The following HDAC4 variants were observed in gnomAD, a reference collection of about 807,000 sequenced individuals.
HDAC4 encodes the protein histone deacetylase 4.
HDAC4 carries 16 observed loss-of-function variants against 135.1 expected under a neutral mutation model. That is an observed-to-expected ratio of 0.12 (90% CI 0.08 to 0.18). The LOEUF (loss-of-function observed/expected upper bound fraction) is 0.18, where lower values mean the gene tolerates loss of function less well. Among genes scored for constraint, HDAC4 ranks in the 10% least tolerant of loss-of-function variants. The pLI is 1.00. For synonymous variants in HDAC4, 685 were observed against 653.4 expected (o/e 1.05, Z -0.74); for missense variants, 1,143 against 1,511.8 (o/e 0.76, Z 4.05).
At chr2:239,365,770 C>CA (rs373956366) in intron 1 of HDAC4, among the ~76,000 whole-genome samples, 19 of 150,806 alleles carry the variant, frequency 1.3e-4, no homozygotes, top group African/African-American at 4.4e-4. Context: ...GGGACACACA[C>CA]AGACACGCAT....
At chr2:239,253,087 T>C (rs2048872025) in intron 2 of HDAC4, among the ~76,000 whole-genome samples, 1 of 152,264 alleles carries the variant, frequency 6.6e-6, no homozygotes, top group African/African-American at 2.4e-5. Context: ...ATTAAGCTCA[T>C]GACATATTTT....
At chr2:239,276,330 C>G (rs1246452395) in intron 2 of HDAC4, among the ~76,000 whole-genome samples, 1 of 152,190 alleles carries the variant, frequency 6.6e-6, no homozygotes, top group Non-Finnish European at 1.5e-5. Flanking sequence ...AACAGAGAGG[C>G]CTGTCTAACT....
chr2:239,106,682 G>A (rs1046574322), intron 15 of HDAC4, among the ~76,000 whole-genome samples: 21 of 149,306 alleles, frequency 1.4e-4, no homozygotes, highest in African/African-American at 4.8e-4. Flanking sequence ...ACTGGTAAAG[G>A]AAACGGGGGG....
intron 2 of HDAC4, among the ~76,000 whole-genome samples, chr2:239,263,681 C>A (rs1352624817): frequency 1.3e-5 from 2 of 152,204 alleles, no homozygotes; most frequent in Non-Finnish European, 2.9e-5. Context: ...TCAGGACAGT[C>A]AGGAAAGGCC....
At chr2:239,105,517 G>C (rs543453594) in intron 15 of HDAC4, among the ~76,000 whole-genome samples, 106 of 152,320 alleles carry the variant, frequency 7.0e-4, no homozygotes, top group African/African-American at 2.2e-3. Flanking sequence ...GTCTTGCTGG[G>C]CCGGCCTGCC....
chr2:239,393,968 C>T (rs1189778170), intron 1 of HDAC4, among the ~76,000 whole-genome samples: 1 of 149,766 alleles, frequency 6.7e-6, no homozygotes, highest in Non-Finnish European at 1.5e-5. Flanking sequence ...CAAGGACCAC[C>T]CCCCCTCCAC....
chr2:239,347,499 A>AC (rs1442645742), intron 2 of HDAC4, among the ~76,000 whole-genome samples: 2 of 152,266 alleles, frequency 1.3e-5, no homozygotes, highest in African/African-American at 4.8e-5. Flanking sequence ...CTTAAGTTAC[A>AC]CACGTTTCCC....
intron 2 of HDAC4, among the ~76,000 whole-genome samples, chr2:239,251,073 TG>T (rs879818058): frequency 6.6e-6 from 1 of 152,224 alleles, no homozygotes; most frequent in Non-Finnish European, 1.5e-5. Flanking sequence ...GAGGATGACG[TG>T]GGGTGGAAAG....
At chr2:239,248,076 T>C (rs12617837) in intron 2 of HDAC4, among the ~76,000 whole-genome samples, 50,451 of 152,090 alleles carry the variant, frequency 0.33, 9,933 homozygotes, top group African/African-American at 0.54. Context: ...AGGCTGACCC[T>C]GCCAGCAGCT....
rs571230042 is a variant in HDAC4, at chr2:239,066,773, G to C, written c.2952C>G (p.Thr984=). ...VLALEGGHDL[T]AICDASEACV... ...ATGCTTCCGAGGCGTCGCAAATGGC[G>C]GTCAGGTCGTGGCCTCCCTCGAGGG... The change falls in exon 24 of 27, where the codon ACC becomes ACG. Residue 984 remains threonine (T), a synonymous_variant. Transcript: ENST00000543185. 6.2e-7 allele frequency: 1 copy of C among 1,613,790 alleles called. No homozygotes were observed. Among genetic ancestry groups the C allele is most frequent in the African/African-American group, 1.3e-5 (1 of 74,930 alleles).
intron 1 of HDAC4, among the ~76,000 whole-genome samples, chr2:239,398,765 G>A (rs1023441435): frequency 6.6e-6 from 1 of 152,162 alleles, no homozygotes; most frequent in African/African-American, 2.4e-5. Flanking sequence ...TCTGTCCTTC[G>A]TCCCTAGGCC....
chr2:239,123,176 C>G (rs1257524483), intron 12 of HDAC4, among the ~76,000 whole-genome samples: 1 of 152,356 alleles, frequency 6.6e-6, no homozygotes, highest in East Asian at 1.9e-4. Context: ...TACCCCATCA[C>G]TCAGATAATG....
chr2:239,153,328 G>A (rs1305503809), intron 7 of HDAC4, among the ~76,000 whole-genome samples: 1 of 152,240 alleles, frequency 6.6e-6, no homozygotes, highest in East Asian at 1.9e-4. Flanking sequence ...GTCAGGATAA[G>A]TTAATGTAAA....
chr2:239,088,224 T>C (rs1376418204), intron 18 of HDAC4, among the ~76,000 whole-genome samples: 1 of 152,256 alleles, frequency 6.6e-6, no homozygotes, highest in African/African-American at 2.4e-5. Context: ...CACTCTGTAG[T>C]TGCTGCCATA....
intron 2 of HDAC4, among the ~76,000 whole-genome samples, chr2:239,260,112 G>C (rs2049266765): frequency 6.6e-6 from 1 of 152,212 alleles, no homozygotes; most frequent in East Asian, 1.9e-4. Flanking sequence ...AATTCCTTTT[G>C]GTGAAGTTCA....
intron 4 of HDAC4, among the ~76,000 whole-genome samples, chr2:239,178,025 G>A (rs899910145): frequency 1.3e-5 from 2 of 152,170 alleles, no homozygotes; most frequent in South Asian, 2.1e-4. Context: ...ACGTCCTTCC[G>A]CTCCTCTGAG....
intron 3 of HDAC4, among the ~76,000 whole-genome samples, chr2:239,225,464 G>A (rs1464209335): frequency 6.6e-6 from 1 of 152,246 alleles, no homozygotes; most frequent in East Asian, 1.9e-4. Flanking sequence ...AAGTCGGTCT[G>A]CGGGAGAGTA....
chr2:239,052,654 CTG>C lies in HDAC4; in HGVS notation c.*441_*442del, dbSNP rs1169219449. 2.4e-4 allele frequency: 55 copies of C among 229,120 alleles called. 1 individual carries two copies. The highest frequency in any genetic ancestry group is 4.6e-5 in the African/African-American group (2 of 43,954). The allele number at this position is 229,120 out of a possible 1,614,324, so 14.2% of individuals were successfully genotyped here. On this transcript the variant is annotated 3_prime_UTR_variant, in exon 27 of 27. Transcript: ENST00000543185. The stretch of plus-strand genomic sequence containing the variant: ...ATGAGTCGAGTGGTTTACACAGAGA[CTG>C]TGGAGTTGTGGGTAATAAACTTTAA...
At chr2:239,392,888 C>T (rs1696322213) in intron 1 of HDAC4, among the ~76,000 whole-genome samples, 1 of 152,182 alleles carries the variant, frequency 6.6e-6, no homozygotes, top group African/African-American at 2.4e-5. Context: ...AGCCTCAGAC[C>T]CGGAATTCTG....
Sources: gnomAD v4.1 joint callset for allele counts (sites outside exome capture counted in the v4.1 genomes callset) on GRCh38, gnomAD v4.1.1 for gene constraint, MANE v1.5 for transcripts, NCBI Gene and HGNC (gene_info 2026-07-23, HGNC 2026-07-21) for gene names.